Variants in ETV6 observed in about 807,000 individuals in gnomAD.
ETV6 encodes transcription factor ETV6.
Under a neutral mutation model 51.1 loss-of-function variants are expected in ETV6, and 16 were observed. The observed-to-expected ratio is 0.31, with a 90% CI of 0.21 to 0.48. The LOEUF (loss-of-function observed/expected upper bound fraction) is 0.48. Ranked by LOEUF, ETV6 falls within the 20% of genes least tolerant of loss-of-function variation. The probability of loss-of-function intolerance (pLI) is 0.99; values close to 1 mark genes in which losing one functional copy is unlikely to be tolerated. For missense variants in ETV6, 458 were observed against 594.8 expected (o/e 0.77, Z 2.39); for synonymous variants, 240 against 224.1 (o/e 1.07, Z -0.64).
At chr12:11,695,918 T>G (rs1203926324) in intron 1 of ETV6, among the ~76,000 whole-genome samples, 1 of 152,166 alleles carries the variant, frequency 6.6e-6, no homozygotes, top group African/African-American at 2.4e-5. Context: ...AATCATCGAC[T>G]CATGGAATAT....
intron 5 of ETV6, among the ~76,000 whole-genome samples, chr12:11,876,586 G>A (rs1300062887): frequency 2.0e-5 from 3 of 152,170 alleles, no homozygotes; most frequent in African/African-American, 7.2e-5. Context: ...TGCTGAGGAA[G>A]AAGATTCGTT....
chr12:11,802,794 C>T (rs1296258947), intron 2 of ETV6, among the ~76,000 whole-genome samples: 2 of 152,276 alleles, frequency 1.3e-5, no homozygotes, highest in African/African-American at 4.8e-5. Context: ...TGAATGTCTC[C>T]AATGTTGGGA....
At chr12:11,746,917 T>C (rs1865920329) in intron 1 of ETV6, among the ~76,000 whole-genome samples, 1 of 152,004 alleles carries the variant, frequency 6.6e-6, no homozygotes, top group Non-Finnish European at 1.5e-5. Flanking sequence ...GCCTTCTGAT[T>C]TTAGGATGTA....
rs80203053 is a variant in ETV6, at chr12:11,873,318, C to T, written c.1009+3349C>T. 9.5e-4 allele frequency among the ~76,000 whole-genome samples: 145 copies of T among 152,156 alleles called. 1 individual carries two copies. Among genetic ancestry groups the T allele is most frequent in the Non-Finnish European group, 1.5e-3 (99 of 68,012 alleles). ...AGCACCTTTGTTTCTTTGAGGATAC[C>T]CCTGTGTGTACTCCACTCTTCTGAT... On this transcript the variant is annotated intron_variant, in intron 5 of 7. Coordinates refer to ENST00000396373, the MANE Select transcript of ETV6 (RefSeq NM_001987.5).
rs149189729 is a variant in ETV6, at chr12:11,829,049, C to T, written c.164-10091C>T. Among the ~76,000 whole-genome samples, 166 of 152,258 alleles carry T rather than the reference C, an allele frequency of 1.1e-3. 1 individual carries two copies. The East Asian group carries it at 0.017, about 16-fold the overall frequency. On this transcript the variant is annotated intron_variant, in intron 2 of 7. Transcript: ENST00000396373. ...CCCTGATCCAGGCTGTTTTCCGCAA[C>T]CCCACCTGAGCCATTTTCCCAGCCT...
intron 2 of ETV6, among the ~76,000 whole-genome samples, chr12:11,785,765 C>T (rs552368999): frequency 2.6e-5 from 4 of 152,188 alleles, no homozygotes; most frequent in Admixed American, 1.3e-4. Context: ...GAGTTGATTT[C>T]TTGGCTCCTT....
intron 1 of ETV6, among the ~76,000 whole-genome samples, chr12:11,660,148 A>G (rs1864073525): frequency 6.6e-6 from 1 of 152,212 alleles, no homozygotes; most frequent in African/African-American, 2.4e-5. Flanking sequence ...ACAGATATCA[A>G]AATGTCACAT....
At chr12:11,651,008 C>T (rs953981823) in intron 1 of ETV6, among the ~76,000 whole-genome samples, 2 of 152,196 alleles carry the variant, frequency 1.3e-5, no homozygotes, top group Non-Finnish European at 2.9e-5. Flanking sequence ...GTCTATATAT[C>T]TGTAAAGACT....
chr12:11,820,725 G>A (rs1338926953), intron 2 of ETV6, among the ~76,000 whole-genome samples: 1 of 152,130 alleles, frequency 6.6e-6, no homozygotes, highest in African/African-American at 2.4e-5. Context: ...GACAGGTCAG[G>A]TCATATAGGG....
At chr12:11,868,527 T>G (rs1341033294) in intron 4 of ETV6, among the ~76,000 whole-genome samples, 1 of 148,164 alleles carries the variant, frequency 6.7e-6, no homozygotes, top group African/African-American at 2.5e-5. Flanking sequence ...AACCTCCACC[T>G]CCTGGGTTCA....
At chr12:11,668,306 G>A (rs1449649952) in intron 1 of ETV6, among the ~76,000 whole-genome samples, 1 of 140,518 alleles carries the variant, frequency 7.1e-6, no homozygotes, top group Admixed American at 7.4e-5. Flanking sequence ...GTGTGGGAGG[G>A]ACACCCTCCC....
intron 1 of ETV6, among the ~76,000 whole-genome samples, chr12:11,743,150 G>C (rs577183730): frequency 1.9e-3 from 283 of 152,224 alleles, no homozygotes; most frequent in Non-Finnish European, 3.4e-3. Context: ...CAAAGGCTGG[G>C]TATTGTTATC....
At chr12:11,678,514 T>G (rs1294768759) in intron 1 of ETV6, among the ~76,000 whole-genome samples, 1 of 152,246 alleles carries the variant, frequency 6.6e-6, no homozygotes, top group Non-Finnish European at 1.5e-5. Context: ...GAAATGTGTT[T>G]CTCCTTTTCT....
chr12:11,869,893 C>G lies in ETV6; in HGVS notation c.933C>G (p.Asp311Glu), dbSNP rs1191722092. The G allele has an allele frequency of 1.2e-6, 2 of 1,612,612 alleles. No homozygotes were observed. Among genetic ancestry groups the G allele is most frequent in the Non-Finnish European group, 1.7e-6 (2 of 1,180,028 alleles). ...GKPINLSHRE[D>E]LAYMNHIMVS... Reference sequence around the variant, plus strand: ...CCATCAACCTCTCTCATCGGGAAGACCTGGCTTACATGAACCACATCATGG... The same window carrying G: ...CCATCAACCTCTCTCATCGGGAAGAGCTGGCTTACATGAACCACATCATGG... The change falls in exon 5 of 8, where the codon GAC becomes GAG. Residue 311 changes from aspartate (D) to glutamate (E), a missense_variant. Physicochemically the swap from Asp to Glu is conservative, Grantham distance 45 (BLOSUM62 2). Around this residue, in one of 4 missense-constraint regions of ETV6, gnomAD observed 293 missense variants for 315.7 expected, o/e 0.93. Coordinates refer to ENST00000396373, the MANE Select transcript of ETV6 (RefSeq NM_001987.5). This position sits in a 1 kb window ranked among gnomAD's most constrained non-coding sequence, Gnocchi z 5.0.
At chr12:11,813,634 G>A (rs555836679) in intron 2 of ETV6, among the ~76,000 whole-genome samples, 4 of 116,782 alleles carry the variant, frequency 3.4e-5, no homozygotes, top group South Asian at 3.1e-4. Context: ...ACCCCTTCAC[G>A]GCCTGCCCTT....
intron 2 of ETV6, among the ~76,000 whole-genome samples, chr12:11,782,106 A>T (rs1198966508): frequency 1.3e-5 from 2 of 152,234 alleles, no homozygotes; most frequent in Non-Finnish European, 2.9e-5. Context: ...AGCCTAACCC[A>T]TAAGAAAAAG....
At chr12:11,697,636 G>C (rs12817477) in intron 1 of ETV6, among the ~76,000 whole-genome samples, 4,889 of 152,272 alleles carry the variant, frequency 0.032, 94 homozygotes, top group East Asian at 0.12. Context: ...AAGTTTAAGT[G>C]GGGATACTGA....
At chr12:11,779,790 G>A (rs566584840) in intron 2 of ETV6, among the ~76,000 whole-genome samples, 5 of 152,208 alleles carry the variant, frequency 3.3e-5, no homozygotes, top group East Asian at 3.9e-4. Context: ...TGGTATAGAC[G>A]GTGCTCACTG....
chr12:11,758,867 A>G (rs1052536637), intron 2 of ETV6, among the ~76,000 whole-genome samples: 9 of 152,188 alleles, frequency 5.9e-5, no homozygotes, highest in East Asian at 1.9e-4. Flanking sequence ...AGCATTTTCT[A>G]CTTTGTTCCC....
Sources: gnomAD v4.1 joint callset for allele counts (sites outside exome capture counted in the v4.1 genomes callset) on GRCh38, gnomAD v4.1.1 for gene constraint, gnomAD v4.1.1 regional missense constraint, Gnocchi (gnomAD v3.1) non-coding constraint, MANE v1.5 for transcripts, NCBI Gene and HGNC (gene_info 2026-07-23, HGNC 2026-07-21) for gene names.